Variants in ACAD11 observed in about 807,000 individuals in gnomAD.
ACAD11 encodes acyl-CoA dehydrogenase family member 11, also known as acyl-Coenzyme A dehydrogenase family, member 11.
A neutral mutation model predicts 102.2 loss-of-function variants in ACAD11; 83 were observed. The observed-to-expected ratio is 0.81, with a 90% CI of 0.68 to 0.97. The LOEUF is 0.97. Among genes scored for constraint, ACAD11 ranks in the 50% least tolerant of loss-of-function variants. The pLI is 0.00. For synonymous variants in ACAD11, 324 were observed against 319.8 expected, an observed-to-expected ratio of 1.01 and a Z score of -0.14; for missense variants, 901 against 951.7, an observed-to-expected ratio of 0.95 and a Z score of 0.70.
At chr3:132,614,488 T>C (rs1172673070) in intron 11 of ACAD11, among the ~76,000 whole-genome samples, 1 of 152,010 alleles carries the variant, frequency 6.6e-6, no homozygotes, top group African/African-American at 2.4e-5. Context: ...TATAGACCAA[T>C]GGAACAGAAC....
intron 5 of ACAD11, among the ~76,000 whole-genome samples, chr3:132,631,886 C>T (rs1237520869): frequency 1.3e-5 from 2 of 152,170 alleles, no homozygotes; most frequent in Non-Finnish European, 2.9e-5. Flanking sequence ...TGTACTACTC[C>T]ATCCATGGTA....
intron 1 of ACAD11, among the ~76,000 whole-genome samples, chr3:132,645,150 T>C (rs1235901174): frequency 6.6e-6 from 1 of 152,234 alleles, no homozygotes; most frequent in Non-Finnish European, 1.5e-5. Flanking sequence ...CTGCAAATCC[T>C]AAGTTTTATC....
At chr3:132,639,212 T>C (rs1173043577) in intron 5 of ACAD11, among the ~76,000 whole-genome samples, 4 of 152,222 alleles carry the variant, frequency 2.6e-5, no homozygotes, top group African/African-American at 4.8e-5. Context: ...TGAAAACTTA[T>C]TTGAAGAAAA....
rs536073964 is a variant in ACAD11 at position 132,596,138 on chromosome 3, G to A, written c.1621+7091C>T. Among the ~76,000 whole-genome samples, 9 of 152,282 alleles carry A rather than the reference G, an allele frequency of 5.9e-5. No homozygotes were observed. The South Asian group carries it at 1.9e-3, about 32-fold the overall frequency. On this transcript the variant is annotated intron_variant, in intron 13 of 19. Transcript: ENST00000264990. ...AGATCATGTTCTTTGCAGGCACGTG[G>A]ATGGAGCTGGAGACCATTATCCTTA...
At chr3:132,650,044 T>C (rs575681506) in intron 1 of ACAD11, 77 of 152,314 alleles carry the variant, frequency 5.1e-4, no homozygotes, top group African/African-American at 1.8e-3. Flanking sequence ...CCAAGAGGCA[T>C]AGAAGTACAA....
At chr3:132,602,266 T>G (rs1470251450) in intron 13 of ACAD11, 1 of 166,960 alleles carries the variant, frequency 6.0e-6, no homozygotes, top group African/African-American at 2.4e-5. Flanking sequence ...AAAGACATAA[T>G]TTGCTTCTAT....
chr3:132,595,307 A>G (rs183200412), intron 13 of ACAD11, among the ~76,000 whole-genome samples: 45 of 152,318 alleles, frequency 3.0e-4, no homozygotes, highest in Admixed American at 2.5e-3. Context: ...GAAGCTGGGT[A>G]TGGCAGAACA....
intron 5 of ACAD11, among the ~76,000 whole-genome samples, chr3:132,632,359 T>C (rs1940083430): frequency 6.6e-6 from 1 of 152,140 alleles, no homozygotes; most frequent in African/African-American, 2.4e-5. Flanking sequence ...GGAATATATA[T>C]CTTCATATTA....
chr3:132,563,977 T>C (rs187214277), intron 17 of ACAD11, among the ~76,000 whole-genome samples: 56 of 152,362 alleles, frequency 3.7e-4, no homozygotes, highest in South Asian at 8.3e-4. Context: ...GTTTCTATCA[T>C]AAACAGATGC....
At chr3:132,570,786 T>A (rs1383558225) in intron 17 of ACAD11, among the ~76,000 whole-genome samples, 1 of 152,194 alleles carries the variant, frequency 6.6e-6, no homozygotes, top group Non-Finnish European at 1.5e-5. Context: ...CCTGCGTTAG[T>A]TGGCTAAGGA....
At chr3:132,587,112 A>G (rs1937875392) in intron 13 of ACAD11, among the ~76,000 whole-genome samples, 1 of 152,158 alleles carries the variant, frequency 6.6e-6, no homozygotes, top group Non-Finnish European at 1.5e-5. Flanking sequence ...AAAGAACAAA[A>G]AAACAAAACT....
chr3:132,658,778 A>AC, intron 1 of ACAD11, among the ~76,000 whole-genome samples: 1 of 152,202 alleles, frequency 6.6e-6, no homozygotes, highest in East Asian at 1.9e-4. Context: ...TAGTGATAAA[A>AC]TACCACTAGC....
chr3:132,644,980 A>T, intron 1 of ACAD11, 84 bp from the exon 2 acceptor site: 2 of 811,036 alleles, frequency 2.5e-6, no homozygotes, highest in Non-Finnish European at 3.9e-6. Context: ...GTCAGAAGAA[A>T]CAAATGAAAA....
chr3:132,621,509 A>C (rs1448187672), intron 9 of ACAD11, among the ~76,000 whole-genome samples: 1 of 152,156 alleles, frequency 6.6e-6, no homozygotes, highest in Non-Finnish European at 1.5e-5. Context: ...AACAATAAGT[A>C]AAGTCATTGC....
intron 1 of ACAD11, among the ~76,000 whole-genome samples, chr3:132,652,132 A>G (rs952669562): frequency 6.6e-6 from 1 of 152,154 alleles, no homozygotes; most frequent in Non-Finnish European, 1.5e-5. Flanking sequence ...CCCATGTATC[A>G]TGGGTGAGAC....
At chr3:132,630,671 T>C in intron 6 of ACAD11, 113 bp from the exon 7 acceptor site, 1 of 829,922 alleles carries the variant, frequency 1.2e-6, no homozygotes, top group Non-Finnish European at 1.8e-6. Context: ...CATTAGCCCT[T>C]ACAACAAAAC....
intron 17 of ACAD11, among the ~76,000 whole-genome samples, chr3:132,574,343 C>T (rs1937463074): frequency 6.6e-6 from 1 of 152,136 alleles, no homozygotes; most frequent in South Asian, 2.1e-4. Flanking sequence ...ACTTTCTCAC[C>T]TCCTCCCACA....
intron 11 of ACAD11, among the ~76,000 whole-genome samples, 188 bp from the exon 12 acceptor site, chr3:132,605,393 T>C (rs551855030): frequency 2.5e-4 from 38 of 152,366 alleles, no homozygotes; most frequent in African/African-American, 9.1e-4. Flanking sequence ...GTACAGGGCA[T>C]TTGGTGCATA....
intron 11 of ACAD11, among the ~76,000 whole-genome samples, chr3:132,610,625 G>A (rs1939092200): frequency 6.6e-6 from 1 of 152,174 alleles, no homozygotes; most frequent in African/African-American, 2.4e-5. Flanking sequence ...AAATCTAGAA[G>A]AAATGGATAA....
Sources: allele counts gnomAD v4.1 joint callset (sites outside exome capture counted in the v4.1 genomes callset), GRCh38; gene constraint gnomAD v4.1.1; transcripts MANE v1.5; gene names NCBI Gene and HGNC (gene_info 2026-07-23, HGNC 2026-07-21).